AHCTF1: variants seen among roughly 807,000 people sequenced by gnomAD.
AHCTF1 encodes AT-hook containing transcription factor 1.
In AHCTF1, 24 loss-of-function variants were observed where a neutral mutation model predicts 248.4. That is an observed-to-expected ratio of 0.10 (90% CI 0.07 to 0.14). The LOEUF (loss-of-function observed/expected upper bound fraction) is 0.14, where lower values mean the gene tolerates loss of function less well. Ranked by LOEUF, AHCTF1 falls within the 10% of genes least tolerant of loss-of-function variation. The pLI is 1.00. For synonymous variants in AHCTF1, 786 were observed against 929.8 expected (o/e 0.85, Z 2.81); for missense variants, 2,206 against 2,636.2 (o/e 0.84, Z 3.57).
intron 5 of AHCTF1, 111 bp downstream of exon 5, chr1:246,907,428 CATTCAATCATTA>C: frequency 1.2e-6 from 1 of 814,398 alleles, no homozygotes; most frequent in Non-Finnish European, 1.9e-6. Flanking sequence ...CTCAATCATT[CATTCAATCATTA>C]ATCTACCCAC....
At chr1:246,870,684 G>A (rs1354418570) in intron 24 of AHCTF1, among the ~76,000 whole-genome samples, 1 of 144,848 alleles carries the variant, frequency 6.9e-6, no homozygotes, top group African/African-American at 2.6e-5. Flanking sequence ...TATAAATACT[G>A]TACCCTAAAC....
At chr1:246,898,705 A>G (rs1320884964) in intron 11 of AHCTF1, among the ~76,000 whole-genome samples, 1 of 152,126 alleles carries the variant, frequency 6.6e-6, no homozygotes, top group African/African-American at 2.4e-5. Flanking sequence ...CTAATGTGAA[A>G]GAGATTTGAT....
chr1:246,931,024 C>A (rs954527938), intron 1 of AHCTF1: 14 of 1,441,484 alleles, frequency 9.7e-6, no homozygotes, highest in Non-Finnish European at 9.2e-7. Context: ...CAAAGCACCC[C>A]AAGATGTGCT....
chr1:246,906,254 G>A (rs7531694), intron 5 of AHCTF1, among the ~76,000 whole-genome samples: 1 of 152,088 alleles, frequency 6.6e-6, no homozygotes, highest in African/African-American at 2.4e-5. Context: ...GGTACTGCAG[G>A]TATTTCTTTA....
Position 246,885,665 on chromosome 1 carries a change from A to G in AHCTF1, c.2488T>C (p.Leu830=), listed in dbSNP as rs754845976. The G allele has an allele frequency of 1.2e-6, 2 of 1,610,906 alleles. No individual in the cohort carries two copies. Among genetic ancestry groups the G allele is most frequent in the Non-Finnish European group, 1.7e-6 (2 of 1,178,164 alleles). ...HNDYESGLDL[L]FHPATAKPLS... ...GGTTTTGCAGTAGCTGGATGAAACAAAAGATCCAAACCACTCTGGAAATAA... is the reference window on the plus strand; with the variant it reads ...GGTTTTGCAGTAGCTGGATGAAACAGAAGATCCAAACCACTCTGGAAATAA... The change falls in exon 21 of 36, where the codon TTG becomes CTG. Residue 830 remains leucine, a synonymous_variant. Coordinates refer to ENST00000648844, the MANE Select transcript of AHCTF1 (RefSeq NM_001323342.2).
At chr1:246,868,914 G>A (rs374263217) in intron 24 of AHCTF1, among the ~76,000 whole-genome samples, 113 of 147,996 alleles carry the variant, frequency 7.6e-4, no homozygotes, top group African/African-American at 1.4e-3. Flanking sequence ...GTGTGATCTC[G>A]GCTCACTGCA....
chr1:246,883,901 A>G (rs1162973539), intron 21 of AHCTF1, among the ~76,000 whole-genome samples: 1 of 152,212 alleles, frequency 6.6e-6, no homozygotes, highest in African/African-American at 2.4e-5. Context: ...CAAATCAGAG[A>G]AACATGCTCT....
chr1:246,898,211 G>A lies in AHCTF1; in HGVS notation c.1620C>T (p.Ser540=), dbSNP rs1338167767. Reference sequence around the variant, plus strand: ...ATAGAGTTAAAAATCATCTCACTTGGCTTAAACTGGAAGGCTGAACATCAA... The same window carrying A: ...ATAGAGTTAAAAATCATCTCACTTGACTTAAACTGGAAGGCTGAACATCAA... ...RFVDVQPSSL[S]QEEQLEAILS... Residue 540 remains serine, a synonymous_variant, in exon 12 of 36, where the codon AGC becomes AGT. Coordinates refer to ENST00000648844, the MANE Select transcript of AHCTF1 (RefSeq NM_001323342.2). 2 of 1,611,982 alleles carry A rather than the reference G, an allele frequency of 1.2e-6. No homozygotes were observed. The highest frequency in any genetic ancestry group is 8.5e-7 in the Non-Finnish European group (1 of 1,179,924).
Position 246,851,335 on chromosome 1 carries a change from A to T in AHCTF1, c.4671T>A (p.Phe1557Leu), listed in dbSNP as rs749043981. 7 of 1,614,162 alleles carry T rather than the reference A, an allele frequency of 4.3e-6. No homozygotes were observed. Among genetic ancestry groups the T allele is most frequent in the Non-Finnish European group, 5.9e-6 (7 of 1,180,008 alleles). The change falls in exon 33 of 36, where the codon TTT becomes TTA. Residue 1557 changes from phenylalanine to leucine, a missense_variant. Phe to Leu is a conservative substitution (Grantham distance 22). Transcript: ENST00000648844. ...PSGTLKLQYN[F>L]DTIDQQFCDL... ...CACAAAACTGTTGGTCAATAGTATC[A>T]AAATTGTACTGAAGCTTAAGTGTTC...
chr1:246,885,460 T>C, intron 21 of AHCTF1, 33 bp downstream of exon 21: 1 of 1,535,196 alleles, frequency 6.5e-7, no homozygotes, highest in Non-Finnish European at 8.9e-7. Context: ...ACAGATACGA[T>C]AAAGACTTTA....
intron 24 of AHCTF1, among the ~76,000 whole-genome samples, chr1:246,874,310 T>G (rs962991091): frequency 7.2e-5 from 11 of 152,114 alleles, no homozygotes; most frequent in Non-Finnish European, 1.5e-4. Flanking sequence ...CTATTAAATG[T>G]CTCTATCTTC....
chr1:246,906,375 C>T (rs967870607), intron 5 of AHCTF1, among the ~76,000 whole-genome samples: 2 of 151,448 alleles, frequency 1.3e-5, no homozygotes, highest in African/African-American at 2.4e-5. Flanking sequence ...GTCAGGAGTT[C>T]GAGACCAGTC....
At chr1:246,869,250 G>A (rs1386347355) in intron 24 of AHCTF1, among the ~76,000 whole-genome samples, 1 of 152,002 alleles carries the variant, frequency 6.6e-6, no homozygotes, top group Non-Finnish European at 1.5e-5. Context: ...CTGACTAACT[G>A]TTCCCCCGCG....
chr1:246,878,699 C>T (rs572086643), intron 21 of AHCTF1, among the ~76,000 whole-genome samples: 64 of 152,272 alleles, frequency 4.2e-4, no homozygotes, highest in African/African-American at 1.3e-3. Context: ...CTGCCCTATA[C>T]GTTCTGTGAA....
intron 5 of AHCTF1, among the ~76,000 whole-genome samples, chr1:246,905,869 A>G (rs1665350828): frequency 1.3e-5 from 2 of 152,192 alleles, no homozygotes. Context: ...CAGAGACAGA[A>G]CTGGGAAGAC....
In AHCTF1 at chr1:246,878,871, T is replaced by C. The variant is rs146724486; in HGVS notation, c.2661-1569A>G. On this transcript the variant is annotated intron_variant, in intron 21 of 35. Coordinates refer to ENST00000648844, the MANE Select transcript of AHCTF1 (RefSeq NM_001323342.2). ...TGTGTAGAGGTATTCCCTAAAAATT[T>C]ACATCTGAAATTGCCTCGTGCTTCT... Among the ~76,000 whole-genome samples, 6 of 152,304 alleles carry C rather than the reference T, an allele frequency of 3.9e-5. No homozygotes were observed. In the East Asian group the frequency reaches 1.2e-3, roughly 29 times the overall value.
Position 246,887,306 on chromosome 1 carries a change from T to C in AHCTF1, c.2377A>G (p.Thr793Ala). Residue 793 changes from threonine (T) to alanine (A), a missense_variant, in exon 20 of 36, where the codon ACT (threonine) becomes GCT (alanine). By Grantham distance (58) the Thr-to-Ala change is moderately conservative. This residue lies in a region of AHCTF1 where 650 missense variants were observed against 870.8 expected (regional missense o/e 0.75). Coordinates refer to ENST00000648844, the MANE Select transcript of AHCTF1 (RefSeq NM_001323342.2). ...ACAGTTGGGAAAGATTCAATGGGAG[T>C]GTCTGTTTTGTTGGGAAAGGAATAC... Reference protein sequence around the residue: ...IMYSFPNKTDTPIESFPTVFA... With the variant: ...IMYSFPNKTDAPIESFPTVFA... 1 of 1,612,978 alleles carries C rather than the reference T, an allele frequency of 6.2e-7. No individual in the cohort carries two copies. The highest frequency in any genetic ancestry group is 8.5e-7 in the Non-Finnish European group (1 of 1,179,544).
intron 21 of AHCTF1, among the ~76,000 whole-genome samples, chr1:246,878,634 A>G (rs933274113): frequency 1.3e-5 from 2 of 152,210 alleles, no homozygotes; most frequent in African/African-American, 4.8e-5. Context: ...TCTGGCAGTT[A>G]AAATTTTTGG....
At chr1:246,923,696 C>T (rs1666735291) in intron 1 of AHCTF1, among the ~76,000 whole-genome samples, 1 of 152,106 alleles carries the variant, frequency 6.6e-6, no homozygotes, top group African/African-American at 2.4e-5. Context: ...CATTGCTTTA[C>T]ATTCCTCCCC....
Sources: gnomAD v4.1 joint callset for allele counts (sites outside exome capture counted in the v4.1 genomes callset) on GRCh38, gnomAD v4.1.1 for gene constraint, gnomAD v4.1.1 regional missense constraint, MANE v1.5 for transcripts, NCBI Gene and HGNC (gene_info 2026-07-23, HGNC 2026-07-21) for gene names.